POLE2: variants seen among roughly 807,000 people sequenced by gnomAD.
POLE2 encodes the protein DNA polymerase epsilon 2, accessory subunit.
A neutral mutation model predicts 79.4 loss-of-function variants in POLE2; 56 were observed. The observed-to-expected ratio is 0.71, with a 90% confidence interval of 0.57 to 0.88. The LOEUF (loss-of-function observed/expected upper bound fraction) is 0.88, where lower values mean the gene tolerates loss of function less well. Ranked by LOEUF, POLE2 falls within the 40% of genes least tolerant of loss-of-function variation. POLE2 has a pLI of 0.00. For synonymous variants in POLE2, 212 were observed against 214.0 expected (o/e 0.99, Z 0.08); for missense variants, 598 against 638.9 (o/e 0.94, Z 0.69).
chr14:49,683,067 G>A (rs1886847689), intron 2 of POLE2, among the ~76,000 whole-genome samples: 1 of 151,474 alleles, frequency 6.6e-6, no homozygotes, highest in African/African-American at 2.4e-5. Context: ...GGATCATCCT[G>A]AGGTTCCAAC....
chr14:49,645,528 T>A (rs537850008), intron 18 of POLE2, among the ~76,000 whole-genome samples: 1 of 152,306 alleles, frequency 6.6e-6, no homozygotes, highest in Admixed American at 6.5e-5. Flanking sequence ...CAATACAAAA[T>A]TATAGTTTGG....
chr14:49,685,916 T>C (rs1002340044), intron 1 of POLE2, among the ~76,000 whole-genome samples: 3 of 152,102 alleles, frequency 2.0e-5, no homozygotes, highest in African/African-American at 7.2e-5. Flanking sequence ...CGTGAGCCAC[T>C]GCGCCCAGCC....
chr14:49,659,723 G>A lies in POLE2; in HGVS notation c.755+3592C>T, dbSNP rs181393893. ...AGCTTGCCAAGTAGCTAGGACTACA[G>A]GTACACACTGCCACACCCAGCTAAT... On this transcript the variant is annotated intron_variant, in intron 10 of 18. Coordinates refer to ENST00000216367, the MANE Select transcript of POLE2 (RefSeq NM_002692.4). Among the ~76,000 whole-genome samples, 630 of 152,136 alleles carry A rather than the reference G, an allele frequency of 4.1e-3. 4 individuals carry two copies. The highest frequency in any genetic ancestry group is 0.015 in the African/African-American group (602 of 41,512).
chr14:49,657,071 C>T (rs1884736570), intron 10 of POLE2, among the ~76,000 whole-genome samples: 1 of 150,328 alleles, frequency 6.7e-6, no homozygotes, highest in South Asian at 2.1e-4. Flanking sequence ...CGAGATCATG[C>T]CACTGCACTC....
intron 15 of POLE2, among the ~76,000 whole-genome samples, chr14:49,652,137 A>C: frequency 1.3e-5 from 2 of 152,064 alleles, no homozygotes; most frequent in Non-Finnish European, 2.9e-5. Context: ...TTACAGGATC[A>C]CTTTCACACT....
At chr14:49,645,392 T>C (rs1308785757) in intron 18 of POLE2, among the ~76,000 whole-genome samples, 3 of 152,258 alleles carry the variant, frequency 2.0e-5, no homozygotes, top group African/African-American at 7.2e-5. Context: ...ACAGAAGGCT[T>C]CTTAGGAGAA....
In POLE2 at chr14:49,665,263, A is replaced by G. The variant is rs1885398401; in HGVS notation, c.577-100T>C. ...TTTGACAACAGAATACAATAGGGAG[A>G]AAGTGGATTTTAAAAATCAGCTATT... On this transcript the variant is annotated intron_variant, in intron 7 of 18. Coordinates refer to ENST00000216367, the MANE Select transcript of POLE2 (RefSeq NM_002692.4). 6.2e-6 allele frequency: 4 copies of G among 642,562 alleles called. No homozygotes were observed. In the East Asian group the frequency reaches 1.1e-4, roughly 18 times the overall value. 39.8% of individuals were successfully genotyped at this position (642,562 alleles called of 1,614,324 possible).
rs1335025425 is a variant in POLE2 at position 49,688,182 on chromosome 14, T to C, written c.22A>G (p.Ser8Gly). MAPERLR[S>G]RALSAFKLRG... is the part of the protein sequence containing the mutation. ...AACTTGAAGGCGGAGAGCGCCCGGC[T>C]CCGCAGCCGCTCCGGCGCCATATTT... Residue 8 changes from serine to glycine, a missense_variant, in exon 1 of 19, where the codon AGC becomes GGC. Transcript: ENST00000216367. 6.5e-7 allele frequency: 1 copy of C among 1,540,804 alleles called. No individual in the cohort carries two copies. The highest frequency in any genetic ancestry group is 1.4e-5 in the African/African-American group (1 of 70,806).
intron 3 of POLE2, among the ~76,000 whole-genome samples, chr14:49,678,397 C>A (rs41500350): frequency 6.6e-6 from 1 of 151,936 alleles, no homozygotes. Flanking sequence ...AAAACTGATG[C>A]GATATGGTAC....
chr14:49,645,475 C>T (rs551747531), intron 18 of POLE2, among the ~76,000 whole-genome samples: 5 of 152,210 alleles, frequency 3.3e-5, no homozygotes, highest in South Asian at 2.1e-4. Flanking sequence ...CATAAACTTA[C>T]ATCAGTTTGT....
chr14:49,654,174 A>C lies in POLE2; in HGVS notation c.1114T>G (p.Phe372Val). ...VFVPGPEDPG[F>V]GSILPRPPLA... ...ACTTACCTTGGTAAGATGGAACCAA[A>C]TCCAGGATCCTCTGGACCAGGTACA... Residue 372 changes from phenylalanine to valine, a missense_variant, in exon 14 of 19, where the codon TTT becomes GTT. Phe to Val is a conservative substitution (Grantham distance 50). Transcript: ENST00000216367. 1 of 1,611,558 alleles carries C rather than the reference A, an allele frequency of 6.2e-7. No individual in the cohort carries two copies. The highest frequency in any genetic ancestry group is 1.1e-5 in the South Asian group (1 of 90,582).
At chr14:49,681,426 T>C (rs1409694229) in intron 2 of POLE2, 3 of 159,560 alleles carry the variant, frequency 1.9e-5, no homozygotes. Flanking sequence ...GGCCCCATTC[T>C]AGCTTCTTTG....
At chr14:49,646,675 G>C (rs7153294) in intron 18 of POLE2, 1 of 152,060 alleles carries the variant, frequency 6.6e-6, no homozygotes, top group East Asian at 1.9e-4. Flanking sequence ...AGTTATCTGA[G>C]AAATCACATG....
At chr14:49,648,273 A>G (rs1883935505) in intron 17 of POLE2, among the ~76,000 whole-genome samples, 2 of 152,200 alleles carry the variant, frequency 1.3e-5, no homozygotes, top group South Asian at 4.1e-4. Context: ...TAATGTGAAT[A>G]AATATCAAGA....
At chr14:49,646,302 GTTTTTTTTTTTTTTTTT>G (rs1162033821) in intron 18 of POLE2, among the ~76,000 whole-genome samples, 78 of 84,570 alleles carry the variant, frequency 9.2e-4, no homozygotes, top group Non-Finnish European at 1.2e-3. Flanking sequence ...TTTTTTGTTG[GTTTTTTTTTTTTTTTTT>G]TTTTTTTTTT....
intron 2 of POLE2, 85 bp downstream of exon 2, chr14:49,683,508 C>T: frequency 1.5e-6 from 1 of 658,204 alleles, no homozygotes; most frequent in Non-Finnish European, 2.7e-6. Context: ...ATAGTGAAGC[C>T]TCAACTTCAA....
intron 11 of POLE2, among the ~76,000 whole-genome samples, chr14:49,655,351 T>C (rs1451036458): frequency 6.6e-6 from 1 of 151,970 alleles, no homozygotes; most frequent in African/African-American, 2.4e-5. Context: ...GGTAATAGGC[T>C]TGCACTTAAA....
Position 49,663,358 on chromosome 14 carries a change from T to C in POLE2, c.712A>G (p.Asn238Asp). Reference sequence around the variant, plus strand: ...TCAGTGGGTGGAAATCCAAAGGCATTGACATGAAACACTTGATCTTCAAAC... The same window carrying C: ...TCAGTGGGTGGAAATCCAAAGGCATCGACATGAAACACTTGATCTTCAAAC... ...GWFEDQVFHV[N>D]AFGFPPTEPS... Residue 238 changes from asparagine to aspartate, a missense_variant, in exon 10 of 19, where the codon AAT becomes GAT. Asn to Asp is a conservative substitution (Grantham distance 23). Transcript: ENST00000216367. 1.2e-6 allele frequency: 2 copies of C among 1,610,836 alleles called. No homozygotes were observed. Among genetic ancestry groups the C allele is most frequent in the East Asian group, 4.5e-5 (2 of 44,780 alleles).
At chr14:49,645,761 C>G (rs7147006) in intron 18 of POLE2, among the ~76,000 whole-genome samples, 5 of 152,082 alleles carry the variant, frequency 3.3e-5, no homozygotes, top group African/African-American at 1.2e-4. Flanking sequence ...CTCCCCAGTA[C>G]CTGGGACTAC....
Sources: allele counts gnomAD v4.1 joint callset (sites outside exome capture counted in the v4.1 genomes callset), GRCh38; gene constraint gnomAD v4.1.1; transcripts MANE v1.5; gene names NCBI Gene and HGNC (gene_info 2026-07-23, HGNC 2026-07-21).